The following SYNE1 variants were observed in gnomAD, a reference collection of about 807,000 sequenced individuals.
The protein encoded by SYNE1 is spectrin repeat containing nuclear envelope protein 1.
SYNE1 carries 616 observed loss-of-function variants against 1,111.0 expected under a neutral mutation model. That is an observed-to-expected ratio of 0.55 (90% CI 0.52 to 0.59). The LOEUF (loss-of-function observed/expected upper bound fraction) is 0.59, where lower values mean the gene tolerates loss of function less well. SYNE1 is among the 20% of genes least tolerant of loss of function. The pLI is 0.00. For synonymous variants in SYNE1, 3,855 were observed against 3,825.8 expected, an observed-to-expected ratio of 1.01 and a Z score of -0.28; for missense variants, 10,006 against 10,417.0, an observed-to-expected ratio of 0.96 and a Z score of 1.72.
At chr6:152,159,777 A>G (rs1183261349) in intron 131 of SYNE1, among the ~76,000 whole-genome samples, 1 of 152,032 alleles carries the variant, frequency 6.6e-6, no homozygotes, top group East Asian at 1.9e-4. Flanking sequence ...ACCTATTTCT[A>G]TATTTCTCAG....
chr6:152,180,407 T>C (rs2067665442), intron 128 of SYNE1, 113 bp from the exon 129 acceptor site: 3 of 1,042,258 alleles, frequency 2.9e-6, no homozygotes, highest in Middle Eastern at 2.0e-4. Flanking sequence ...ATACATCTTT[T>C]TAGCCCACTG....
At position 152,330,118 on chromosome 6, in the gene SYNE1, T is replaced by A; in HGVS notation, c.14567A>T (p.His4856Leu). ...LDPLAYEKAR[H>L]QIQSWQGELK... ...CTCCCCTTGCCAGGACTGGATCTGA[T>A]GCCTGGCTTTCTCATAAGCCAAGGG... is the stretch of plus-strand genomic sequence containing the variant. The change falls in exon 78 of 146, where the codon CAT (histidine) becomes CTT (leucine). Residue 4856 changes from histidine to leucine, a missense_variant. Physicochemically the swap from His to Leu is moderately conservative, Grantham distance 99 (BLOSUM62 -3). This residue lies in a region of SYNE1 where 4,955 missense variants were observed against 5,017.2 expected (regional missense o/e 0.99). Coordinates refer to ENST00000367255, the MANE Select transcript of SYNE1 (RefSeq NM_182961.4). 1 of 1,614,218 alleles carries A rather than the reference T, an allele frequency of 6.2e-7. No individual in the cohort carries two copies. The highest frequency in any genetic ancestry group is 8.5e-7 in the Non-Finnish European group (1 of 1,180,028).
chr6:152,516,404 CT>C (rs1228932669), intron 6 of SYNE1, among the ~76,000 whole-genome samples: 2 of 152,164 alleles, frequency 1.3e-5, no homozygotes, highest in Admixed American at 1.3e-4. Context: ...AACAAGTCTT[CT>C]TTATAAACAA....
At chr6:152,186,979 G>T (rs569757297) in intron 128 of SYNE1, among the ~76,000 whole-genome samples, 42 of 152,236 alleles carry the variant, frequency 2.8e-4, no homozygotes, top group African/African-American at 8.9e-4. Flanking sequence ...ATGATTTACT[G>T]TATAATAAGG....
chr6:152,220,823 AG>A lies in SYNE1; in HGVS notation c.21861+18del, dbSNP rs1298143235. The stretch of plus-strand genomic sequence containing the variant: ...CTAAGAAGGGCATGTGGGGAAAACA[AG>A]GTAGCTCCTGAACATACGTTGCAAT... On this transcript the variant is annotated intron_variant, in intron 119 of 145. Coordinates refer to ENST00000367255, the MANE Select transcript of SYNE1 (RefSeq NM_182961.4). 6.2e-7 allele frequency: 1 copy of A among 1,611,010 alleles called. No homozygotes were observed. The highest frequency in any genetic ancestry group is 8.5e-7 in the Non-Finnish European group (1 of 1,178,350).
At chr6:152,496,371 C>G (rs1379267423) in intron 11 of SYNE1, among the ~76,000 whole-genome samples, 1 of 152,120 alleles carries the variant, frequency 6.6e-6, no homozygotes, top group African/African-American at 2.4e-5. Context: ...ACTTGCCAAC[C>G]AAGCAAATAA....
At position 152,206,170 on chromosome 6, in the gene SYNE1, T is replaced by G; in HGVS notation, c.23017A>C (p.Lys7673Gln). 1 of 1,613,444 alleles carries G rather than the reference T, an allele frequency of 6.2e-7. No individual in the cohort carries two copies. Among genetic ancestry groups the G allele is most frequent in the African/African-American group, 1.3e-5 (1 of 75,052 alleles). Residue 7673 changes from lysine (K) to glutamine (Q), a missense_variant and splice_region_variant, in exon 126 of 146, where the codon AAA (lysine) becomes CAA (glutamine). Physicochemically the swap from Lys to Gln is moderately conservative, Grantham distance 53. Coordinates refer to ENST00000367255, the MANE Select transcript of SYNE1 (RefSeq NM_182961.4). Reference sequence around the variant, plus strand: ...CGTTTTTTTCTAACTGAACTTACTTTCAACAAGAAGGCTAGTTTTTTCTTC... The same window carrying G: ...CGTTTTTTTCTAACTGAACTTACTTGCAACAAGAAGGCTAGTTTTTTCTTC... Reference protein sequence around the residue: ...EQKKKLAFLLKDWEKCEKGIA... With the variant: ...EQKKKLAFLLQDWEKCEKGIA...
At chr6:152,474,088 G>A (rs554443270) in intron 14 of SYNE1, among the ~76,000 whole-genome samples, 1 of 152,122 alleles carries the variant, frequency 6.6e-6, no homozygotes, top group East Asian at 1.9e-4. Context: ...GGAAGGCTGA[G>A]GCAGGAGAAT....
At chr6:152,500,339 A>G (rs1246317161) in intron 10 of SYNE1, among the ~76,000 whole-genome samples, 1 of 152,222 alleles carries the variant, frequency 6.6e-6, no homozygotes, top group Non-Finnish European at 1.5e-5. Context: ...TGCTTTAGCC[A>G]TTTGTGGTGC....
chr6:152,506,570 C>T (rs906860810), intron 8 of SYNE1, among the ~76,000 whole-genome samples: 10 of 151,702 alleles, frequency 6.6e-5, no homozygotes, highest in African/African-American at 2.4e-4. Flanking sequence ...CAGAATCTCA[C>T]TCATTCTGTT....
chr6:152,151,200 C>T (rs1323383846), intron 135 of SYNE1, among the ~76,000 whole-genome samples: 2 of 149,340 alleles, frequency 1.3e-5, no homozygotes, highest in Admixed American at 6.7e-5. Flanking sequence ...TCAGCCTGGG[C>T]GACAGAGTGA....
In SYNE1 at chr6:152,255,467, T is replaced by C. The variant is rs1158859550; in HGVS notation, c.19260+124A>G. ...TATAAATATTCTGCATTTAAGCAAT[T>C]ATGTTCTGCATTATTAGAATTGTTT... is the stretch of plus-strand genomic sequence containing the variant. On this transcript the variant is annotated intron_variant, in intron 103 of 145. Coordinates refer to ENST00000367255, the MANE Select transcript of SYNE1 (RefSeq NM_182961.4). 1.0e-5 allele frequency: 12 copies of C among 1,160,592 alleles called. No individual in the cohort carries two copies. The East Asian group carries it at 2.8e-4, about 27-fold the overall frequency. The allele number at this position is 1,160,592 out of a possible 1,614,324, so 71.9% of individuals were successfully genotyped here. A position where few individuals can be genotyped will look rare whatever the true frequency, so the allele number is the denominator to read the frequency against.
At position 152,428,216 on chromosome 6, in the gene SYNE1, G is replaced by T. The variant is rs765695344; in HGVS notation, c.4965C>A (p.Ala1655=). 1.9e-6 allele frequency: 3 copies of T among 1,613,500 alleles called. No individual in the cohort carries two copies. The highest frequency in any genetic ancestry group is 2.5e-6 in the Non-Finnish European group (3 of 1,180,016). ...ERQTALENLL[A]HWQRLEKELS... ...AAAGTGCTGCTCACCTCTGCCAGTG[G>T]GCCAGCAGATTCTCCAGCGCCGTCT... Residue 1655 remains alanine (A), a synonymous_variant, in exon 37 of 146, where the codon GCC becomes GCA. Transcript: ENST00000367255.
chr6:152,444,600 A>G, intron 29 of SYNE1, 22 bp from the exon 30 acceptor site: 1 of 1,600,962 alleles, frequency 6.2e-7, no homozygotes, highest in Non-Finnish European at 8.5e-7. Flanking sequence ...TGAAAAAAAA[A>G]AACACGTAAA....
intron 7 of SYNE1, 77 bp from the exon 8 acceptor site, chr6:152,510,448 G>A (rs1480327864): frequency 2.7e-6 from 4 of 1,507,064 alleles, no homozygotes; most frequent in Non-Finnish European, 3.6e-6. Flanking sequence ...TACTTTTCCA[G>A]CAACAAATGA....
At chr6:152,329,695 T>C (rs776563171) in intron 78 of SYNE1, 35 bp downstream of exon 78, 86 of 1,613,782 alleles carry the variant, frequency 5.3e-5, no homozygotes, top group Non-Finnish European at 6.7e-5. Flanking sequence ...ATAAGCAGAG[T>C]GGAAAAAAGA....
At chr6:152,299,790 A>C (rs2095076505) in intron 93 of SYNE1, among the ~76,000 whole-genome samples, 1 of 152,188 alleles carries the variant, frequency 6.6e-6, no homozygotes, top group South Asian at 2.1e-4. Flanking sequence ...ATTATAATAC[A>C]GGTTATAAAA....
chr6:152,492,754 G>A (rs941440199), intron 11 of SYNE1, among the ~76,000 whole-genome samples: 2 of 152,276 alleles, frequency 1.3e-5, no homozygotes, highest in African/African-American at 2.4e-5. Flanking sequence ...TCTTAGAGTG[G>A]AGTGTAAGTC....
In SYNE1 at chr6:152,255,757, C is replaced by G. The variant is rs774667969; in HGVS notation, c.19105-11G>C. On this transcript the variant is annotated splice_polypyrimidine_tract_variant and intron_variant, in intron 102 of 145. Transcript: ENST00000367255. ...CTTTGCCCCTCCACTCTGGGAAACA[C>G]AAAACAGGGTCAAATAATCAATTTC... 1 of 1,614,120 alleles carries G rather than the reference C, an allele frequency of 6.2e-7. No homozygotes were observed. The highest frequency in any genetic ancestry group is 1.1e-5 in the South Asian group (1 of 91,088).
Sources: allele counts gnomAD v4.1 joint callset (sites outside exome capture counted in the v4.1 genomes callset), GRCh38; gene constraint gnomAD v4.1.1; regional missense constraint gnomAD v4.1.1; transcripts MANE v1.5; gene names NCBI Gene and HGNC (gene_info 2026-07-23, HGNC 2026-07-21).